The following LRRC20 variants were observed in gnomAD, a reference collection of about 807,000 sequenced individuals.
LRRC20 encodes the protein leucine rich repeat containing 20.
Under a neutral mutation model 14.4 loss-of-function variants are expected in LRRC20, and 11 were observed. The ratio of observed to expected loss-of-function variants is 0.77; its 90% CI spans 0.48 to 1.27. The LOEUF (loss-of-function observed/expected upper bound fraction) is 1.27. Ranked by LOEUF, LRRC20 falls within the 50% of genes most tolerant of loss-of-function variation. LRRC20 has a pLI of 0.00. For synonymous variants in LRRC20, 121 were observed against 107.3 expected (o/e 1.13, Z -0.79); for missense variants, 219 against 251.2 (o/e 0.87, Z 0.87).
intron 4 of LRRC20, 71 bp downstream of exon 4, chr10:70,323,792 G>T: frequency 1.3e-6 from 2 of 1,535,808 alleles, no homozygotes; most frequent in Non-Finnish European, 1.8e-6. Context: ...TGTGAAGGTC[G>T]ACTCCAGAGT....
At chr10:70,338,578 T>TA (rs1842795173) in intron 3 of LRRC20, among the ~76,000 whole-genome samples, 1 of 152,252 alleles carries the variant, frequency 6.6e-6, no homozygotes, top group Non-Finnish European at 1.5e-5. Flanking sequence ...TTCAGGCTGT[T>TA]ATGAATAATG....
At chr10:70,319,026 C>A (rs2136929170) in intron 4 of LRRC20, among the ~76,000 whole-genome samples, 1 of 152,028 alleles carries the variant, frequency 6.6e-6, no homozygotes, top group African/African-American at 2.4e-5. Context: ...AGGCTGGCCT[C>A]AAACTCCTGG....
intron 4 of LRRC20, among the ~76,000 whole-genome samples, chr10:70,307,747 G>A (rs973720146): frequency 1.3e-5 from 2 of 152,218 alleles, no homozygotes; most frequent in Non-Finnish European, 2.9e-5. Flanking sequence ...GGATACGCCC[G>A]GCTTTCCAGT....
chr10:70,304,666 T>C (rs1354825298), intron 4 of LRRC20, among the ~76,000 whole-genome samples: 1 of 151,866 alleles, frequency 6.6e-6, no homozygotes, highest in Non-Finnish European at 1.5e-5. Context: ...GAACTCGATC[T>C]TGCAAAACTG....
chr10:70,324,721 G>A (rs997377036), intron 3 of LRRC20, among the ~76,000 whole-genome samples: 4 of 152,090 alleles, frequency 2.6e-5, no homozygotes, highest in East Asian at 1.9e-4. Flanking sequence ...GAAGCCGGGC[G>A]CCCACAGGGC....
intron 4 of LRRC20, among the ~76,000 whole-genome samples, chr10:70,314,154 C>A (rs1436894166): frequency 6.6e-6 from 1 of 152,118 alleles, no homozygotes; most frequent in Non-Finnish European, 1.5e-5. Flanking sequence ...GTCCCTCCCA[C>A]AACACATGGG....
rs1844519836 is a variant in LRRC20 at position 70,376,609 on chromosome 10, C to A, written c.-63-13G>T. The A allele has an allele frequency of 1.4e-6, 2 of 1,453,362 alleles. No individual in the cohort carries two copies. 90.0% of individuals were successfully genotyped at this position (1,453,362 alleles called of 1,614,324 possible). A position where few individuals can be genotyped will look rare whatever the true frequency, so the allele number is the denominator to read the frequency against. ...AAAGGGCCTGAGCCTGGGGAAGACG[C>A]AGTGCCATGAAGTGCCCGCCTGCCA... On this transcript the variant is annotated splice_polypyrimidine_tract_variant and intron_variant, in intron 1 of 4. Transcript: ENST00000446961.
chr10:70,375,155 C>T (rs1476319421), intron 2 of LRRC20, among the ~76,000 whole-genome samples: 1 of 152,208 alleles, frequency 6.6e-6, no homozygotes, highest in African/African-American at 2.4e-5. Context: ...CATCAGCTCA[C>T]TAGCTTAAGG....
chr10:70,316,679 C>T (rs1386125519), intron 4 of LRRC20, among the ~76,000 whole-genome samples: 1 of 152,248 alleles, frequency 6.6e-6, no homozygotes, highest in African/African-American at 2.4e-5. Flanking sequence ...TGTCTGGGGG[C>T]CATGCCTAAT....
At chr10:70,375,018 A>C (rs568431507) in intron 2 of LRRC20, among the ~76,000 whole-genome samples, 1 of 152,134 alleles carries the variant, frequency 6.6e-6, no homozygotes, top group East Asian at 1.9e-4. Context: ...CAGAGTAGAG[A>C]TTCAAATCCA....
chr10:70,368,598 A>G (rs1162011456), intron 2 of LRRC20, among the ~76,000 whole-genome samples: 1 of 151,412 alleles, frequency 6.6e-6, no homozygotes, highest in Non-Finnish European at 1.5e-5. Flanking sequence ...TTTTTCTGAA[A>G]TGAACTGAGG....
At chr10:70,304,505 T>C (rs1564607936) in intron 4 of LRRC20, among the ~76,000 whole-genome samples, 1 of 128,720 alleles carries the variant, frequency 7.8e-6, no homozygotes, top group Non-Finnish European at 1.6e-5. Flanking sequence ...TATATATATA[T>C]ATTTTACTAA....
At chr10:70,318,313 A>AC (rs1841944034) in intron 4 of LRRC20, among the ~76,000 whole-genome samples, 1 of 152,110 alleles carries the variant, frequency 6.6e-6, no homozygotes, top group African/African-American at 2.4e-5. Flanking sequence ...TGCATTTCTA[A>AC]CCCGTTCTCT....
chr10:70,346,410 T>C (rs79447740), intron 2 of LRRC20, among the ~76,000 whole-genome samples: 8,793 of 152,234 alleles, frequency 0.058, 294 homozygotes, highest in South Asian at 0.12. Context: ...AGACCCTATC[T>C]CTAATAAAAT....
intron 4 of LRRC20, among the ~76,000 whole-genome samples, chr10:70,304,494 ATATATATATATATT>A (rs1346802082): frequency 1.7e-5 from 2 of 121,142 alleles, no homozygotes; most frequent in Non-Finnish European, 3.4e-5. Context: ...ATATATATAT[ATATATATATATATT>A]TTACTAAGCA....
At chr10:70,344,331 C>T (rs1394840204) in intron 2 of LRRC20, among the ~76,000 whole-genome samples, 1 of 152,108 alleles carries the variant, frequency 6.6e-6, no homozygotes, top group Non-Finnish European at 1.5e-5. Flanking sequence ...ACTGTATAAC[C>T]TCAGAAACCC....
At chr10:70,326,683 G>T (rs1325687729) in intron 3 of LRRC20, among the ~76,000 whole-genome samples, 1 of 152,082 alleles carries the variant, frequency 6.6e-6, no homozygotes. Flanking sequence ...ACCATTATAA[G>T]CCTCTGTCAC....
At chr10:70,346,270 G>T (rs1843070170) in intron 2 of LRRC20, among the ~76,000 whole-genome samples, 1 of 151,964 alleles carries the variant, frequency 6.6e-6, no homozygotes, top group African/African-American at 2.4e-5. Context: ...AAATAAATTT[G>T]CTTGACGTGG....
chr10:70,344,578 G>C (rs1435076400), intron 2 of LRRC20, among the ~76,000 whole-genome samples: 2 of 152,048 alleles, frequency 1.3e-5, no homozygotes, highest in Admixed American at 6.6e-5. Context: ...GTTTTGTTTT[G>C]TTTATTGAGA....
Sources: allele counts gnomAD v4.1 joint callset (sites outside exome capture counted in the v4.1 genomes callset), GRCh38; gene constraint gnomAD v4.1.1; transcripts MANE v1.5; gene names NCBI Gene and HGNC (gene_info 2026-07-23, HGNC 2026-07-21).